GARRE1: variants seen among roughly 807,000 people sequenced by gnomAD.
GARRE1 encodes the protein granule associated Rac and RHOG effector 1, also known as granule associated Rac and RHOG effector protein 1.
Under a neutral mutation model 103.2 loss-of-function variants are expected in GARRE1, and 49 were observed. The ratio of observed to expected loss-of-function variants is 0.47; its 90% confidence interval spans 0.38 to 0.60. The LOEUF is 0.60. GARRE1 is among the 20% of genes least tolerant of loss of function. The pLI, the probability that GARRE1 is intolerant of heterozygous loss-of-function variation, is 0.00. For synonymous variants in GARRE1, 505 were observed against 532.8 expected, an observed-to-expected ratio of 0.95 and a Z score of 0.72; for missense variants, 1,199 against 1,370.5, an observed-to-expected ratio of 0.87 and a Z score of 1.98.
At chr19:34,312,011 TCA>T (rs1429443029) in intron 2 of GARRE1, among the ~76,000 whole-genome samples, 1 of 152,150 alleles carries the variant, frequency 6.6e-6, no homozygotes, top group East Asian at 1.9e-4. Context: ...AGATGGAGTC[TCA>T]CTGTGTTGCC....
At chr19:34,271,488 T>G (rs1010914627) in intron 1 of GARRE1, among the ~76,000 whole-genome samples, 5 of 152,162 alleles carry the variant, frequency 3.3e-5, no homozygotes, top group Middle Eastern at 6.8e-3. Flanking sequence ...GACCTCGTCA[T>G]CCACCCGCCT....
Position 34,319,959 on chromosome 19 carries a change from C to T in GARRE1, c.548C>T (p.Thr183Ile), listed in dbSNP as rs149223464. 1 of 1,614,244 alleles carries T rather than the reference C, an allele frequency of 6.2e-7. No individual in the cohort carries two copies. The highest frequency in any genetic ancestry group is 1.3e-5 in the African/African-American group (1 of 75,060). ...TVVQVHFQFL[T>I]HALQKVQPVA... ...GTGCAAGTCCATTTCCAGTTTTTGA[C>T]TCATGCGTTACAGAAGGTCCAGCCG... The change falls in exon 3 of 14, where the codon ACT becomes ATT. Residue 183 changes from threonine (T) to isoleucine (I), a missense_variant. Coordinates refer to ENST00000299505, the MANE Select transcript of GARRE1 (RefSeq NM_014686.5).
intron 8 of GARRE1, among the ~76,000 whole-genome samples, chr19:34,334,696 CAAA>C (rs201914309): frequency 2.6e-5 from 3 of 117,572 alleles, no homozygotes; most frequent in Admixed American, 8.6e-5. Flanking sequence ...AAAACTATCT[CAAA>C]AAAAAAAAAA....
rs755730178 is a variant in GARRE1 at position 34,331,596 on chromosome 19, C to T, written c.1263+1249C>T. Among the ~76,000 whole-genome samples, 74 of 152,118 alleles carry T rather than the reference C, an allele frequency of 4.9e-4. 1 individual carries two copies. Among genetic ancestry groups the T allele is most frequent in the Non-Finnish European group, 1.2e-4 (8 of 68,026 alleles). ...AAACTTTGCCCAGAGTTGGGTGGGTCAGGAGATCAACATCTGAAATCACCA... is the reference window on the plus strand; with the variant it reads ...AAACTTTGCCCAGAGTTGGGTGGGTTAGGAGATCAACATCTGAAATCACCA... On this transcript the variant is annotated intron_variant, in intron 7 of 13. Transcript: ENST00000299505.
At chr19:34,275,104 A>AT (rs1360681126) in intron 1 of GARRE1, among the ~76,000 whole-genome samples, 2 of 151,878 alleles carry the variant, frequency 1.3e-5, no homozygotes, top group African/African-American at 2.4e-5. Flanking sequence ...GTGTCTCCAC[A>AT]TTATCAAGGG....
intron 1 of GARRE1, among the ~76,000 whole-genome samples, chr19:34,281,719 G>A (rs1307327725): frequency 2.6e-5 from 4 of 151,984 alleles, no homozygotes; most frequent in Admixed American, 2.0e-4. Flanking sequence ...ACACCTGGCC[G>A]AAACACAATT....
At chr19:34,325,199 T>C (rs1599773743) in intron 3 of GARRE1, among the ~76,000 whole-genome samples, 1 of 152,202 alleles carries the variant, frequency 6.6e-6, no homozygotes, top group African/African-American at 2.4e-5. Flanking sequence ...AATTTCTGAA[T>C]GTGAGTTTCT....
At chr19:34,278,592 C>T (rs1183315477) in intron 1 of GARRE1, among the ~76,000 whole-genome samples, 2 of 151,994 alleles carry the variant, frequency 1.3e-5, no homozygotes, top group Non-Finnish European at 2.9e-5. Context: ...TGGAATCACA[C>T]AGTATTTGTC....
At position 34,314,781 on chromosome 19, in the gene GARRE1, A is replaced by G. The variant is rs1299173994; in HGVS notation, c.496-5126A>G. Reference sequence around the variant, plus strand: ...TAGTTTTTTACATATTAGTTTCAGTAAGCCTGTTTCTTACATTTTTCTACT... The same window carrying G: ...TAGTTTTTTACATATTAGTTTCAGTGAGCCTGTTTCTTACATTTTTCTACT... On this transcript the variant is annotated intron_variant, in intron 2 of 13. Coordinates refer to ENST00000299505, the MANE Select transcript of GARRE1 (RefSeq NM_014686.5). Among the ~76,000 whole-genome samples the G allele has an allele frequency of 4.6e-5, 7 of 152,302 alleles. No homozygotes were observed. The East Asian group carries it at 7.7e-4, about 17-fold the overall frequency.
intron 9 of GARRE1, among the ~76,000 whole-genome samples, chr19:34,340,452 T>TCTTTTCTTTC (rs2074180710): frequency 6.8e-6 from 1 of 147,560 alleles, no homozygotes; most frequent in South Asian, 2.1e-4. Context: ...TCTTTTCTTT[T>TCTTTTCTTTC]CTTTTCTTTT....
rs765343131 is a variant in GARRE1 at position 34,354,342 on chromosome 19, G to A, written c.*1387G>A. 4 of 152,044 alleles carry A rather than the reference G, an allele frequency of 2.6e-5. No individual in the cohort carries two copies. The highest frequency in any genetic ancestry group is 1.9e-4 in the East Asian group (1 of 5,178). The allele number at this position is 152,044 out of a possible 1,614,324, so 9.4% of individuals were successfully genotyped here. On this transcript the variant is annotated 3_prime_UTR_variant, in exon 14 of 14. Transcript: ENST00000299505. ...ATTGTAATAACACATTTATGTTCTCGTTTTTCTACAGATATAAGTAAATTT... is the reference window on the plus strand; with the variant it reads ...ATTGTAATAACACATTTATGTTCTCATTTTTCTACAGATATAAGTAAATTT...
chr19:34,330,138 C>A, intron 6 of GARRE1, 51 bp from the exon 7 acceptor site: 3 of 1,521,952 alleles, frequency 2.0e-6, no homozygotes, highest in East Asian at 2.3e-5. Context: ...AATTTTAGAA[C>A]CTTGCATGGC....
At chr19:34,282,612 G>C (rs566101509) in intron 1 of GARRE1, among the ~76,000 whole-genome samples, 79 of 152,220 alleles carry the variant, frequency 5.2e-4, no homozygotes, top group Admixed American at 9.2e-4. Flanking sequence ...TTCCTTCACT[G>C]TCTGGTGATC....
chr19:34,274,784 A>G (rs532099464), intron 1 of GARRE1, among the ~76,000 whole-genome samples: 1 of 152,334 alleles, frequency 6.6e-6, no homozygotes, highest in East Asian at 1.9e-4. Flanking sequence ...AGCCAGCACT[A>G]AGCGTCTTTT....
intron 3 of GARRE1, among the ~76,000 whole-genome samples, chr19:34,324,908 TAC>T (rs1194342913): frequency 6.6e-6 from 1 of 152,264 alleles, no homozygotes; most frequent in Non-Finnish European, 1.5e-5. Flanking sequence ...GGTATTATTT[TAC>T]ACAGTCTGAA....
chr19:34,295,402 G>T (rs189297683), intron 1 of GARRE1, among the ~76,000 whole-genome samples: 158 of 152,176 alleles, frequency 1.0e-3, no homozygotes, highest in African/African-American at 3.7e-3. Context: ...ATTTTTCATT[G>T]TTTTTATGTA....
chr19:34,290,555 G>T (rs1259595683), intron 1 of GARRE1, among the ~76,000 whole-genome samples: 1 of 151,318 alleles, frequency 6.6e-6, no homozygotes, highest in Admixed American at 6.6e-5. Flanking sequence ...TGGAGTACAA[G>T]GGCACAATTA....
intron 1 of GARRE1, among the ~76,000 whole-genome samples, chr19:34,291,755 G>A (rs1482314928): frequency 2.0e-5 from 3 of 152,110 alleles, no homozygotes; most frequent in Admixed American, 2.0e-4. Context: ...CAAGAACTTT[G>A]GATGACATTT....
At chr19:34,271,483 C>T (rs922057134) in intron 1 of GARRE1, among the ~76,000 whole-genome samples, 5 of 151,932 alleles carry the variant, frequency 3.3e-5, no homozygotes, top group South Asian at 2.1e-4. Context: ...CTCCTGACCT[C>T]GTCATCCACC....
Sources: gnomAD v4.1 joint callset for allele counts (sites outside exome capture counted in the v4.1 genomes callset) on GRCh38, gnomAD v4.1.1 for gene constraint, MANE v1.5 for transcripts, NCBI Gene and HGNC (gene_info 2026-07-23, HGNC 2026-07-21) for gene names.